EBF1: variants seen among roughly 807,000 people sequenced by gnomAD.
The protein encoded by EBF1 is EBF transcription factor 1, also known as transcription factor COE1.
EBF1 carries 10 observed loss-of-function variants against 68.4 expected under a neutral mutation model. The ratio of observed to expected loss-of-function variants is 0.15; its 90% CI spans 0.09 to 0.25. The LOEUF is 0.25. Ranked by LOEUF, EBF1 falls within the 10% of genes least tolerant of loss-of-function variation. EBF1 has a pLI of 1.00. For missense variants in EBF1, 509 were observed against 794.4 expected, an observed-to-expected ratio of 0.64 and a Z score of 4.32; for synonymous variants, 298 against 299.8, an observed-to-expected ratio of 0.99 and a Z score of 0.06.
At chr5:158,921,379 C>T (rs150841054) in intron 6 of EBF1, among the ~76,000 whole-genome samples, 291 of 152,322 alleles carry the variant, frequency 1.9e-3, no homozygotes, top group Non-Finnish European at 2.3e-3. Context: ...CTCAGTTATA[C>T]AACCAGCTGA....
chr5:158,940,272 C>T (rs1435957529), intron 6 of EBF1, among the ~76,000 whole-genome samples: 2 of 152,172 alleles, frequency 1.3e-5, no homozygotes, highest in African/African-American at 4.8e-5. Context: ...GTTTCTCAGT[C>T]CACACACCTG....
chr5:158,954,750 C>G (rs984434789), intron 6 of EBF1, among the ~76,000 whole-genome samples: 1 of 152,208 alleles, frequency 6.6e-6, no homozygotes, highest in Non-Finnish European at 1.5e-5. Context: ...ACATATTTAT[C>G]TCGCTGAGGC....
At chr5:159,042,878 A>T (rs1158347254) in intron 6 of EBF1, among the ~76,000 whole-genome samples, 3 of 152,088 alleles carry the variant, frequency 2.0e-5, no homozygotes, top group Non-Finnish European at 4.4e-5. Context: ...AAAAAATAAA[A>T]AAGTTAAATA....
chr5:158,852,334 C>T (rs1278895769), intron 6 of EBF1, among the ~76,000 whole-genome samples: 1 of 152,114 alleles, frequency 6.6e-6, no homozygotes, highest in African/African-American at 2.4e-5. Context: ...GTTCACTTTT[C>T]CCATCATACC....
At chr5:159,007,129 C>T (rs1403620366) in intron 6 of EBF1, among the ~76,000 whole-genome samples, 1 of 152,020 alleles carries the variant, frequency 6.6e-6, no homozygotes, top group Non-Finnish European at 1.5e-5. Flanking sequence ...TCCTAACAAT[C>T]CCAGAACCCA....
chr5:159,079,694 C>T (rs1265460170), intron 5 of EBF1, among the ~76,000 whole-genome samples: 1 of 151,352 alleles, frequency 6.6e-6, no homozygotes, highest in African/African-American at 2.4e-5. Flanking sequence ...TCACTGCAAC[C>T]TCCACCTCCT....
chr5:158,878,065 A>C (rs1397645090), intron 6 of EBF1, among the ~76,000 whole-genome samples: 5 of 151,610 alleles, frequency 3.3e-5, no homozygotes, highest in Non-Finnish European at 7.4e-5. Flanking sequence ...GGAGAAGTTT[A>C]AATCAATTTG....
intron 10 of EBF1, among the ~76,000 whole-genome samples, chr5:158,740,740 T>C (rs748298325): frequency 6.6e-6 from 1 of 152,224 alleles, no homozygotes; most frequent in Admixed American, 6.5e-5. Flanking sequence ...GTCAGGCTTC[T>C]TCAGTATTGA....
chr5:158,943,256 T>C (rs1813867416), intron 6 of EBF1, among the ~76,000 whole-genome samples: 2 of 152,150 alleles, frequency 1.3e-5, no homozygotes, highest in Admixed American at 1.3e-4. Context: ...TTAGGGAATC[T>C]TTAGGGCTAA....
intron 5 of EBF1, among the ~76,000 whole-genome samples, chr5:159,077,108 A>T (rs1396417512): frequency 6.6e-6 from 1 of 152,234 alleles, no homozygotes; most frequent in Non-Finnish European, 1.5e-5. Context: ...CCCTCACTTC[A>T]TTCAAGTCTC....
intron 6 of EBF1, chr5:158,987,120 A>T (rs1759244100): frequency 6.6e-6 from 1 of 152,240 alleles, no homozygotes; most frequent in African/African-American, 2.4e-5. Context: ...TCATTCATCT[A>T]GTTGGAGAGA....
intron 10 of EBF1, among the ~76,000 whole-genome samples, chr5:158,739,888 G>A (rs576996841): frequency 6.6e-6 from 1 of 152,284 alleles, no homozygotes; most frequent in South Asian, 2.1e-4. Context: ...ATCACCCCGT[G>A]TGTGTTCAGA....
intron 6 of EBF1, among the ~76,000 whole-genome samples, chr5:158,898,062 T>C (rs1414242619): frequency 6.6e-6 from 1 of 152,248 alleles, no homozygotes; most frequent in African/African-American, 2.4e-5. Flanking sequence ...TGGAGTTTTG[T>C]TCCCCAGAAG....
At chr5:158,880,025 T>C (rs923738593) in intron 6 of EBF1, among the ~76,000 whole-genome samples, 6 of 152,120 alleles carry the variant, frequency 3.9e-5, no homozygotes, top group Non-Finnish European at 8.8e-5. Context: ...TAGCCCCAAA[T>C]CACACAACTA....
At chr5:158,886,082 T>A (rs370305452) in intron 6 of EBF1, among the ~76,000 whole-genome samples, 1 of 152,192 alleles carries the variant, frequency 6.6e-6, no homozygotes, top group Non-Finnish European at 1.5e-5. Context: ...TTTGCCCAAC[T>A]CTTCTGTCCT....
chr5:159,099,292 C>T (rs1783216837), intron 1 of EBF1, 53 bp downstream of exon 1: 1 of 1,390,040 alleles, frequency 7.2e-7, no homozygotes, highest in Non-Finnish European at 9.4e-7. Context: ...CCTCCGCCTC[C>T]CGGCTCTCCC....
intron 6 of EBF1, among the ~76,000 whole-genome samples, chr5:158,976,850 G>C (rs530351291): frequency 5.3e-5 from 8 of 152,286 alleles, no homozygotes; most frequent in African/African-American, 1.7e-4. Context: ...TAATCACTGA[G>C]GCATAGAGAG....
At chr5:158,849,558 G>T (rs1220717645) in intron 6 of EBF1, among the ~76,000 whole-genome samples, 1 of 152,134 alleles carries the variant, frequency 6.6e-6, no homozygotes, top group Non-Finnish European at 1.5e-5. Context: ...TCACTGCAAG[G>T]CCTGCAGTTG....
intron 8 of EBF1, among the ~76,000 whole-genome samples, chr5:158,801,901 C>T (rs984181128): frequency 1.3e-5 from 2 of 152,142 alleles, no homozygotes; most frequent in African/African-American, 4.8e-5. Context: ...AGTGCCTGCA[C>T]ACTCGCACTG....
Sources: gnomAD v4.1 joint callset for allele counts (sites outside exome capture counted in the v4.1 genomes callset) on GRCh38, gnomAD v4.1.1 for gene constraint, MANE v1.5 for transcripts, NCBI Gene and HGNC (gene_info 2026-07-23, HGNC 2026-07-21) for gene names.